The following IMMP2L variants were observed in gnomAD, a reference collection of about 807,000 sequenced individuals.
IMMP2L encodes mitochondrial inner membrane protease subunit 2.
In IMMP2L, 18 loss-of-function variants were observed where a neutral mutation model predicts 19.3. The ratio of observed to expected loss-of-function variants is 0.93; its 90% CI spans 0.64 to 1.38. The LOEUF (loss-of-function observed/expected upper bound fraction) is 1.38. IMMP2L is among the 40% of genes most tolerant of loss of function. The probability of loss-of-function intolerance (pLI) is 0.00; values close to 1 mark genes in which losing one functional copy is unlikely to be tolerated. For missense variants in IMMP2L, 233 were observed against 218.2 expected (o/e 1.07, Z -0.43); for synonymous variants, 76 against 73.0 (o/e 1.04, Z -0.21).
At chr7:110,926,028 A>G (rs1351342877) in intron 4 of IMMP2L, among the ~76,000 whole-genome samples, 3 of 152,024 alleles carry the variant, frequency 2.0e-5, no homozygotes, top group African/African-American at 7.2e-5. Flanking sequence ...CTAATGATGA[A>G]AAGTCAATTA....
intron 5 of IMMP2L, among the ~76,000 whole-genome samples, chr7:110,686,156 C>T (rs1793094619): frequency 6.6e-6 from 1 of 152,048 alleles, no homozygotes; most frequent in Non-Finnish European, 1.5e-5. Flanking sequence ...TAGTCTCCAT[C>T]TCCCTCTGCA....
chr7:111,288,143 G>A (rs1054830708), intron 3 of IMMP2L, among the ~76,000 whole-genome samples: 5 of 152,074 alleles, frequency 3.3e-5, no homozygotes, highest in Non-Finnish European at 7.4e-5. Flanking sequence ...AATGTGCTAT[G>A]AGAGTTTCAA....
intron 2 of IMMP2L, among the ~76,000 whole-genome samples, chr7:111,492,124 CT>C (rs959179619): frequency 3.7e-4 from 56 of 151,426 alleles, no homozygotes; most frequent in Non-Finnish European, 6.3e-4. Flanking sequence ...TCTATAAGCT[CT>C]TTTTTTTTCT....
Position 111,101,919 on chromosome 7 carries a change from G to A in IMMP2L, c.240-138354C>T, listed in dbSNP as rs75004415. 3.2e-3 allele frequency among the ~76,000 whole-genome samples: 481 copies of A among 151,424 alleles called. 6 individuals carry two copies. The highest frequency in any genetic ancestry group is 0.011 in the African/African-American group (451 of 41,406). On this transcript the variant is annotated intron_variant, in intron 3 of 5. Coordinates refer to ENST00000405709, the MANE Select transcript of IMMP2L (RefSeq NM_032549.4). Reference sequence around the variant, plus strand: ...AGAGTACTAGGTTATGTATCCTTAGGAGAAACATCTACCAAAAATGGACAA... The same window carrying A: ...AGAGTACTAGGTTATGTATCCTTAGAAGAAACATCTACCAAAAATGGACAA...
At chr7:111,006,403 G>A (rs1824296811) in intron 3 of IMMP2L, among the ~76,000 whole-genome samples, 2 of 152,036 alleles carry the variant, frequency 1.3e-5, no homozygotes, top group African/African-American at 2.4e-5. Context: ...TTTCATAGAC[G>A]CATAGACTTT....
At chr7:110,828,669 T>A (rs1246644080) in intron 5 of IMMP2L, among the ~76,000 whole-genome samples, 1 of 152,142 alleles carries the variant, frequency 6.6e-6, no homozygotes, top group Non-Finnish European at 1.5e-5. Flanking sequence ...CCTAGTCTAC[T>A]CTACACAAGA....
Position 110,835,650 on chromosome 7 carries a change from T to C in IMMP2L, c.408+50943A>G, listed in dbSNP as rs190012429. ...GTGTTGTGTTAAACTCAGTAGCATT[T>C]TTTTTTTTCTCTTCCTGAATCTCTT... On this transcript the variant is annotated intron_variant, in intron 5 of 5. Transcript: ENST00000405709. Among the ~76,000 whole-genome samples the C allele has an allele frequency of 5.2e-3, 797 of 151,962 alleles. 4 individuals carry two copies. The highest frequency in any genetic ancestry group is 0.017 in the Middle Eastern group (5 of 294).
chr7:110,733,832 T>G (rs1796440783), intron 5 of IMMP2L, among the ~76,000 whole-genome samples: 1 of 152,078 alleles, frequency 6.6e-6, no homozygotes, highest in African/African-American at 2.4e-5. Context: ...AATGCATTCA[T>G]CCATTCCATC....
chr7:111,252,941 G>A (rs1562970236), intron 3 of IMMP2L, among the ~76,000 whole-genome samples: 1 of 152,018 alleles, frequency 6.6e-6, no homozygotes, highest in Non-Finnish European at 1.5e-5. Context: ...GACTCTGTTT[G>A]TATCTATATC....
intron 3 of IMMP2L, among the ~76,000 whole-genome samples, chr7:111,183,484 T>C (rs555148333): frequency 1.3e-5 from 2 of 152,228 alleles, no homozygotes; most frequent in East Asian, 3.9e-4. Context: ...ATAGCTTTCT[T>C]GGCTTCATTT....
rs572613946 is a variant in IMMP2L at position 111,205,626 on chromosome 7, A to C, written c.240-242061T>G. Among the ~76,000 whole-genome samples the C allele has an allele frequency of 9.4e-5, 14 of 148,582 alleles. No homozygotes were observed. In the East Asian group the frequency reaches 2.3e-3, roughly 25 times the overall value. On this transcript the variant is annotated intron_variant, in intron 3 of 5. Coordinates refer to ENST00000405709, the MANE Select transcript of IMMP2L (RefSeq NM_032549.4). ...AATTTGTAAACTATCCATATCAGTA[A>C]AAAAAAACATTAAATAAAAATTAAT...
At chr7:111,535,408 G>A (rs1033494880) in intron 1 of IMMP2L, among the ~76,000 whole-genome samples, 1 of 152,036 alleles carries the variant, frequency 6.6e-6, no homozygotes, top group African/African-American at 2.4e-5. Context: ...AGTGTCTAAC[G>A]AAAGATATTA....
intron 5 of IMMP2L, among the ~76,000 whole-genome samples, chr7:110,714,823 G>A (rs117129673): frequency 0.028 from 4,290 of 152,170 alleles, 80 homozygotes; most frequent in Non-Finnish European, 0.039. Context: ...TCTCGAACTC[G>A]ACCTTAAGTG....
intron 3 of IMMP2L, among the ~76,000 whole-genome samples, chr7:111,015,916 T>A (rs1041052768): frequency 6.6e-6 from 1 of 152,150 alleles, no homozygotes; most frequent in Non-Finnish European, 1.5e-5. Context: ...TCAAACACTC[T>A]TAAGAAATAT....
intron 3 of IMMP2L, among the ~76,000 whole-genome samples, chr7:111,015,551 CT>C (rs1311579428): frequency 2.0e-5 from 3 of 152,012 alleles, no homozygotes; most frequent in African/African-American, 7.2e-5. Context: ...GTAAATTTTG[CT>C]GTGTTTTTCA....
At chr7:111,372,958 T>C (rs1451156197) in intron 3 of IMMP2L, among the ~76,000 whole-genome samples, 2 of 152,082 alleles carry the variant, frequency 1.3e-5, no homozygotes, top group Non-Finnish European at 2.9e-5. Context: ...AAAACATTGA[T>C]GTAATCTGTT....
intron 5 of IMMP2L, among the ~76,000 whole-genome samples, chr7:110,832,901 T>C (rs1804095857): frequency 6.6e-6 from 1 of 152,178 alleles, no homozygotes; most frequent in African/African-American, 2.4e-5. Flanking sequence ...ACCAGGCCAG[T>C]AGGAGAAAGG....
Position 110,928,351 on chromosome 7 carries a change from GCACACACACACACACA to G in IMMP2L, c.305+35133_305+35148del, listed in dbSNP as rs58639346. The stretch of plus-strand genomic sequence containing the variant: ...TAGGTACATATGTGTATATGTACCT[GCACACACACACACACA>G]CACACACACACACACACACACACAC... On this transcript the variant is annotated intron_variant, in intron 4 of 5. Coordinates refer to ENST00000405709, the MANE Select transcript of IMMP2L (RefSeq NM_032549.4). Among the ~76,000 whole-genome samples, 121 of 117,114 alleles carry G rather than the reference GCACACACACACACACA, an allele frequency of 1.0e-3. 1 individual carries two copies. Among genetic ancestry groups the G allele is most frequent in the South Asian group, 6.5e-4 (2 of 3,056 alleles). The allele number at this position is 117,114 out of a possible 152,430, so 76.8% of individuals were successfully genotyped here. A position where few individuals can be genotyped will look rare whatever the true frequency, so the allele number is the denominator to read the frequency against.
At chr7:111,235,381 G>A (rs1814176191) in intron 3 of IMMP2L, among the ~76,000 whole-genome samples, 1 of 151,726 alleles carries the variant, frequency 6.6e-6, no homozygotes, top group Non-Finnish European at 1.5e-5. Context: ...TGAGACAGGA[G>A]AATCGCTTGA....
Sources: allele counts gnomAD v4.1 joint callset (sites outside exome capture counted in the v4.1 genomes callset), GRCh38; gene constraint gnomAD v4.1.1; transcripts MANE v1.5; gene names NCBI Gene and HGNC (gene_info 2026-07-23, HGNC 2026-07-21).